The following DHDDS variants were observed in gnomAD, a reference collection of about 807,000 sequenced individuals.
DHDDS encodes dehydrodolichyl diphosphate synthase subunit, also known as dehydrodolichyl diphosphate synthase complex subunit DHDDS.
Under a neutral mutation model 46.2 loss-of-function variants are expected in DHDDS, and 16 were observed. That is an observed-to-expected ratio of 0.35 (90% CI 0.23 to 0.53). The LOEUF (loss-of-function observed/expected upper bound fraction) is 0.53, where lower values mean the gene tolerates loss of function less well. Among genes scored for constraint, DHDDS ranks in the 20% least tolerant of loss-of-function variants. The probability of loss-of-function intolerance (pLI) is 0.94; values close to 1 mark genes in which losing one functional copy is unlikely to be tolerated. For missense variants in DHDDS, 340 were observed against 423.7 expected, an observed-to-expected ratio of 0.80 and a Z score of 1.73; for synonymous variants, 151 against 163.1, an observed-to-expected ratio of 0.93 and a Z score of 0.56.
At chr1:26,432,787 T>G (rs1406885443) in intron 1 of DHDDS, 104 bp from the exon 2 acceptor site, 3 of 725,436 alleles carry the variant, frequency 4.1e-6, no homozygotes, top group Non-Finnish European at 7.4e-6. Context: ...TGTCTTTGGA[T>G]TCTAATGCTG....
rs769834953 is a variant in DHDDS at position 26,471,300 on chromosome 1, TG to T, written c.*2170del. The T allele has an allele frequency of 6.6e-6, 1 of 152,224 alleles. No homozygotes were observed. The highest frequency in any genetic ancestry group is 2.4e-5 in the African/African-American group (1 of 41,444). The allele number at this position is 152,224 out of a possible 1,614,324, so 9.4% of individuals were successfully genotyped here. A position where few individuals can be genotyped will look rare whatever the true frequency, so the allele number is the denominator to read the frequency against. On this transcript the variant is annotated 3_prime_UTR_variant, in exon 9 of 9. Transcript: ENST00000236342. Reference sequence around the variant, plus strand: ...AATAGAATTTTTAAAGATTCTTAGATGTAAAACTTGTTTGCTAACTGCAACG... The same window carrying T: ...AATAGAATTTTTAAAGATTCTTAGATTAAAACTTGTTTGCTAACTGCAACG...
At chr1:26,437,175 A>G (rs2075168185) in intron 2 of DHDDS, among the ~76,000 whole-genome samples, 1 of 152,112 alleles carries the variant, frequency 6.6e-6, no homozygotes, top group Non-Finnish European at 1.5e-5. Flanking sequence ...TTCTCAAAAA[A>G]AAAACAGAAC....
At position 26,433,002 on chromosome 1, in the gene DHDDS, C is replaced by T. The variant is rs981419090; in HGVS notation, c.57C>T (p.Ile19=). ...LSLWERFCAN[I]IKAGPMPKHI... Reference sequence around the variant, plus strand: ...TTTGGGAGCGGTTCTGTGCCAACATCATAAAGGTGAGCAATGGCCCAGAGC... The same window carrying T: ...TTTGGGAGCGGTTCTGTGCCAACATTATAAAGGTGAGCAATGGCCCAGAGC... The change falls in exon 2 of 9, where the codon ATC becomes ATT. Residue 19 remains isoleucine, a synonymous_variant. Coordinates refer to ENST00000236342, the MANE Select transcript of DHDDS (RefSeq NM_205861.3). The T allele has an allele frequency of 1.2e-6, 2 of 1,614,070 alleles. No individual in the cohort carries two copies. The highest frequency in any genetic ancestry group is 1.7e-5 in the Admixed American group (1 of 60,006).
chr1:26,455,252 T>A (rs1392935648), intron 6 of DHDDS: 1 of 620,104 alleles, frequency 1.6e-6, no homozygotes, highest in African/African-American at 1.8e-5. Context: ...GATAAGAGAA[T>A]GAGAAATTAT....
At chr1:26,437,753 G>A (rs1296748937) in intron 2 of DHDDS, among the ~76,000 whole-genome samples, 2 of 151,660 alleles carry the variant, frequency 1.3e-5, no homozygotes, top group Middle Eastern at 3.4e-3. Context: ...TGGGATTACA[G>A]GCGTGAGCCA....
intron 3 of DHDDS, among the ~76,000 whole-genome samples, chr1:26,438,903 G>C (rs2124378813): frequency 6.6e-6 from 1 of 152,158 alleles, no homozygotes; most frequent in Non-Finnish European, 1.5e-5. Flanking sequence ...TGCATCTGTA[G>C]CTTCAGTAAC....
chr1:26,436,893 G>A lies in DHDDS; in HGVS notation c.64-1275G>A, dbSNP rs890829368. ...CTCTTCTTAACCGCGTGACTGGGCCGGGCGTGCTGGCTCACGCCTGTAATC... is the reference window on the plus strand; with the variant it reads ...CTCTTCTTAACCGCGTGACTGGGCCAGGCGTGCTGGCTCACGCCTGTAATC... On this transcript the variant is annotated intron_variant, in intron 2 of 8. Transcript: ENST00000236342. Among the ~76,000 whole-genome samples, 14 of 152,172 alleles carry A rather than the reference G, an allele frequency of 9.2e-5. No homozygotes were observed. In the South Asian group the frequency reaches 1.9e-3, roughly 20 times the overall value.
intron 8 of DHDDS, chr1:26,463,305 AG>A (rs1220482835): frequency 1.1e-4 from 16 of 152,234 alleles, no homozygotes; most frequent in Admixed American, 9.2e-4. Context: ...ATGTTGAAAT[AG>A]AAACAAGTGA....
chr1:26,433,281 T>C, intron 2 of DHDDS: 1 of 536,606 alleles, frequency 1.9e-6, no homozygotes, highest in Non-Finnish European at 3.3e-6. Flanking sequence ...GAAATTTGTT[T>C]CCCTGGAACA....
chr1:26,456,266 G>C (rs570766550), intron 6 of DHDDS, among the ~76,000 whole-genome samples: 1 of 152,272 alleles, frequency 6.6e-6, no homozygotes, highest in African/African-American at 2.4e-5. Context: ...TAGCTACTTG[G>C]GAAGCTGAGG....
At chr1:26,443,052 C>CTTT in intron 4 of DHDDS, 179 bp downstream of exon 4, 1 of 999,574 alleles carries the variant, frequency 1.0e-6, no homozygotes, top group Non-Finnish European at 1.4e-6. Context: ...TTATTTCTAA[C>CTTT]TTTTTAATAA....
At chr1:26,449,652 G>A (rs1456270522) in intron 6 of DHDDS, among the ~76,000 whole-genome samples, 1 of 151,916 alleles carries the variant, frequency 6.6e-6, no homozygotes, top group Non-Finnish European at 1.5e-5. Context: ...TCCGCCTCCT[G>A]GGCTCAAGCG....
At chr1:26,438,852 A>G (rs188078482) in intron 3 of DHDDS, 3 of 163,180 alleles carry the variant, frequency 1.8e-5, no homozygotes, top group Admixed American at 1.7e-4. Flanking sequence ...GCCTCATCCA[A>G]TCCTTATTGT....
At chr1:26,448,754 C>T (rs1247372263) in intron 6 of DHDDS, among the ~76,000 whole-genome samples, 2 of 152,004 alleles carry the variant, frequency 1.3e-5, no homozygotes, top group Non-Finnish European at 2.9e-5. Context: ...AAACTGAGTT[C>T]AGCATTGAAG....
rs2075527913 is a variant in DHDDS at position 26,469,257 on chromosome 1, G to GC, written c.*132dup. The GC allele has an allele frequency of 5.1e-6, 8 of 1,560,304 alleles. No individual in the cohort carries two copies. The East Asian group carries it at 6.9e-5, about 13-fold the overall frequency. On this transcript the variant is annotated 3_prime_UTR_variant, in exon 9 of 9. Coordinates refer to ENST00000236342, the MANE Select transcript of DHDDS (RefSeq NM_205861.3). ...GGTGTTCCCTTTGCTTGGCTGGGGA[G>GC]CCCCCCAGGCCAGGTTTGCTGGCCA...
intron 7 of DHDDS, 84 bp from the exon 8 acceptor site, chr1:26,459,953 G>A: frequency 8.9e-7 from 1 of 1,123,324 alleles, no homozygotes; most frequent in Non-Finnish European, 1.4e-6. Context: ...GTCCTGCTTA[G>A]CCTGCTTTTT....
chr1:26,443,057 T>TTTTTTG, intron 4 of DHDDS, 184 bp downstream of exon 4: 1 of 1,167,010 alleles, frequency 8.6e-7, no homozygotes, highest in Non-Finnish European at 1.2e-6. Context: ...TCTAACTTTT[T>TTTTTTG]AATAAAAAAG....
chr1:26,442,912 A>C (rs1570339107), intron 4 of DHDDS, 39 bp downstream of exon 4: 1 of 1,612,880 alleles, frequency 6.2e-7, no homozygotes, highest in Non-Finnish European at 8.5e-7. Flanking sequence ...TTCTTCCACC[A>C]CCCCCAGCCT....
chr1:26,447,609 A>T lies in DHDDS; in HGVS notation c.491A>T (p.Asn164Ile). The T allele has an allele frequency of 6.2e-7, 1 of 1,614,168 alleles. No homozygotes were observed. Among genetic ancestry groups the T allele is most frequent in the Non-Finnish European group, 8.5e-7 (1 of 1,180,026 alleles). Residue 164 changes from asparagine to isoleucine, a missense_variant, in exon 6 of 9, where the codon AAT becomes ATT. Transcript: ENST00000236342. ...TACACATCCCGTCATGAGATCAGCA[A>T]TGCTGTGAGAGAGATGGCCTGGGGG... ...FAYTSRHEIS[N>I]AVREMAWGVE...
Sources: gnomAD v4.1 joint callset for allele counts (sites outside exome capture counted in the v4.1 genomes callset) on GRCh38, gnomAD v4.1.1 for gene constraint, MANE v1.5 for transcripts, NCBI Gene and HGNC (gene_info 2026-07-23, HGNC 2026-07-21) for gene names.